The following HMCN1 variants were observed in gnomAD, a reference collection of about 807,000 sequenced individuals.
HMCN1 encodes the protein hemicentin 1.
A neutral mutation model predicts 625.9 loss-of-function variants in HMCN1; 321 were observed. That is an observed-to-expected ratio of 0.51 (90% CI 0.47 to 0.56). HMCN1 has a LOEUF of 0.56. Ranked by LOEUF, HMCN1 falls within the 20% of genes least tolerant of loss-of-function variation. The pLI is 0.00. For synonymous variants in HMCN1, 2,425 were observed against 2,417.6 expected (o/e 1.00, Z -0.09); for missense variants, 6,588 against 6,887.3 (o/e 0.96, Z 1.54).
Position 186,128,288 on chromosome 1 carries a change from C to T in HMCN1, c.12901C>T (p.Pro4301Ser). 1 of 1,611,332 alleles carries T rather than the reference C, an allele frequency of 6.2e-7. No homozygotes were observed. Among genetic ancestry groups the T allele is most frequent in the Non-Finnish European group, 8.5e-7 (1 of 1,178,150 alleles). Residue 4301 changes from proline (P) to serine (S), a missense_variant, in exon 83 of 107, where the codon CCA becomes TCA. Physicochemically the swap from Pro to Ser is moderately conservative, Grantham distance 74. This residue lies in a region of HMCN1 where 1,954 missense variants were observed against 2,013.1 expected (regional missense o/e 0.97). Transcript: ENST00000271588. ...LTWTFNNNII[P>S]AHFDSVNGHS... is the part of the protein sequence containing the mutation. ...ATGGACCTTCAATAACAATATTATTCCAGGTTGGTCATTTAATTCTCAAGA... is the reference window on the plus strand; with the variant it reads ...ATGGACCTTCAATAACAATATTATTTCAGGTTGGTCATTTAATTCTCAAGA...
Position 186,076,486 on chromosome 1 carries a change from T to G in HMCN1, c.8349T>G (p.Asn2783Lys), listed in dbSNP as rs780465741. ...EIGNMLDTGR[N>K]GEAKDVIINN... ...GAAACATGCTAGATACTGGCAGGAA[T>G]GGTGAAGCCAAAGATGTGATCATCA... Residue 2783 changes from asparagine to lysine, a missense_variant, in exon 54 of 107, where the codon AAT (asparagine) becomes AAG (lysine). Coordinates refer to ENST00000271588, the MANE Select transcript of HMCN1 (RefSeq NM_031935.3). 1.9e-6 allele frequency: 3 copies of G among 1,613,722 alleles called. No homozygotes were observed.
chr1:185,933,210 G>A (rs919863230), intron 10 of HMCN1, among the ~76,000 whole-genome samples: 6 of 151,978 alleles, frequency 3.9e-5, no homozygotes, highest in Non-Finnish European at 5.9e-5. Context: ...CTAAAAGTTT[G>A]CAAATGCTGC....
chr1:185,774,001 G>A (rs906458607), intron 1 of HMCN1, among the ~76,000 whole-genome samples: 2 of 152,138 alleles, frequency 1.3e-5, no homozygotes, highest in African/African-American at 4.8e-5. Flanking sequence ...GAAAAGCTAT[G>A]CGTGGAGCTC....
At position 185,745,267 on chromosome 1, in the gene HMCN1, G is replaced by A. The variant is rs980390960; in HGVS notation, c.268+10220G>A. 7.2e-5 allele frequency among the ~76,000 whole-genome samples: 11 copies of A among 152,002 alleles called. No homozygotes were observed. The South Asian group carries it at 8.3e-4, about 11-fold the overall frequency. On this transcript the variant is annotated intron_variant, in intron 1 of 106. Coordinates refer to ENST00000271588, the MANE Select transcript of HMCN1 (RefSeq NM_031935.3). The stretch of plus-strand genomic sequence containing the variant: ...AAGAGAGTCACAGAAACAGACTTAA[G>A]CAGTGTACAGCCAAGTTCTAACTAG...
chr1:186,152,989 G>C, intron 96 of HMCN1, 118 bp downstream of exon 96: 2 of 1,319,552 alleles, frequency 1.5e-6, no homozygotes, highest in Non-Finnish European at 1.1e-6. Context: ...AAACTACCAA[G>C]GCTATAAATA....
chr1:186,033,094 A>C (rs1431365284), intron 36 of HMCN1, among the ~76,000 whole-genome samples: 1 of 149,966 alleles, frequency 6.7e-6, no homozygotes, highest in Non-Finnish European at 1.5e-5. Context: ...ACACACACAC[A>C]CCATGGAATA....
intron 14 of HMCN1, among the ~76,000 whole-genome samples, chr1:185,967,387 C>T (rs1650485219): frequency 6.6e-6 from 1 of 152,052 alleles, no homozygotes; most frequent in Non-Finnish European, 1.5e-5. Context: ...AGAATTTACT[C>T]TCTGTTTCTT....
intron 46 of HMCN1, among the ~76,000 whole-genome samples, chr1:186,060,999 A>G (rs1200287051): frequency 6.6e-6 from 1 of 152,046 alleles, no homozygotes; most frequent in Non-Finnish European, 1.5e-5. Flanking sequence ...CATAGCATTC[A>G]TGGGCCCATA....
At chr1:185,780,743 G>T (rs775005564) in intron 1 of HMCN1, among the ~76,000 whole-genome samples, 9 of 152,126 alleles carry the variant, frequency 5.9e-5, no homozygotes, top group Non-Finnish European at 1.3e-4. Flanking sequence ...TGCTGGATTC[G>T]GTTTGCCAGT....
intron 1 of HMCN1, among the ~76,000 whole-genome samples, chr1:185,807,247 A>G (rs1557984462): frequency 6.6e-6 from 1 of 152,140 alleles, no homozygotes; most frequent in Non-Finnish European, 1.5e-5. Context: ...AAAGAGTTAC[A>G]TTTTGGCACT....
intron 1 of HMCN1, among the ~76,000 whole-genome samples, chr1:185,757,091 C>A (rs531911407): frequency 6.6e-6 from 1 of 152,320 alleles, no homozygotes; most frequent in Admixed American, 6.5e-5. Flanking sequence ...TCTCCTGCCT[C>A]AGCCTCCCAA....
At position 186,086,418 on chromosome 1, in the gene HMCN1, T is replaced by C; in HGVS notation, c.9046+11T>C. 6.2e-7 allele frequency: 1 copy of C among 1,612,454 alleles called. No homozygotes were observed. Among genetic ancestry groups the C allele is most frequent in the Non-Finnish European group, 8.5e-7 (1 of 1,178,992 alleles). On this transcript the variant is annotated intron_variant, in intron 58 of 106. Coordinates refer to ENST00000271588, the MANE Select transcript of HMCN1 (RefSeq NM_031935.3). The stretch of plus-strand genomic sequence containing the variant: ...CTCTCATTGTGCCTGGTAAGGAACT[T>C]CTTATTATAAAGCAGGCAAAATTTT...
intron 105 of HMCN1, among the ~76,000 whole-genome samples, chr1:186,184,701 T>C (rs1363887886): frequency 6.6e-6 from 1 of 152,222 alleles, no homozygotes; most frequent in Non-Finnish European, 1.5e-5. Flanking sequence ...GTTTCAAGTA[T>C]GTTTATCCTA....
At position 186,007,263 on chromosome 1, in the gene HMCN1, T is replaced by A. The variant is rs1220236169; in HGVS notation, c.4611T>A (p.Asp1537Glu). Residue 1537 changes from aspartate to glutamate, a missense_variant, in exon 30 of 107, where the codon GAT (aspartate) becomes GAA (glutamate). By Grantham distance (45) the Asp-to-Glu change is conservative. This residue lies in a region of HMCN1 where 4,628 missense variants were observed against 4,853.1 expected (regional missense o/e 0.95). Coordinates refer to ENST00000271588, the MANE Select transcript of HMCN1 (RefSeq NM_031935.3). ...ATGCAGCTGGCAAACAAGCCAAGGATATAAAACTGACTATCTATAGTAAGT... is the reference window on the plus strand; with the variant it reads ...ATGCAGCTGGCAAACAAGCCAAGGAAATAAAACTGACTATCTATAGTAAGT... The part of the protein sequence containing the change: ...VSNAAGKQAK[D>E]IKLTIYIPPS... The A allele has an allele frequency of 1.2e-6, 2 of 1,613,724 alleles. No individual in the cohort carries two copies. Among genetic ancestry groups the A allele is most frequent in the Admixed American group, 3.3e-5 (2 of 59,996 alleles).
intron 36 of HMCN1, among the ~76,000 whole-genome samples, chr1:186,026,401 G>T (rs1571737139): frequency 6.6e-6 from 1 of 152,126 alleles, no homozygotes; most frequent in Non-Finnish European, 1.5e-5. Flanking sequence ...TCATAAAAAA[G>T]TTAATCAAAC....
At chr1:186,165,703 T>C (rs1280923672) in intron 98 of HMCN1, among the ~76,000 whole-genome samples, 2 of 152,370 alleles carry the variant, frequency 1.3e-5, no homozygotes, top group Non-Finnish European at 2.9e-5. Flanking sequence ...TTTTCTTTCA[T>C]TGGTAGGCAA....
chr1:185,951,719 A>T lies in HMCN1; in HGVS notation c.1829-10799A>T, dbSNP rs531810579. 3.8e-3 allele frequency among the ~76,000 whole-genome samples: 569 copies of T among 151,354 alleles called. 13 individuals are homozygous for T. The highest frequency in any genetic ancestry group is 0.013 in the African/African-American group (538 of 41,026). On this transcript the variant is annotated intron_variant, in intron 11 of 106. Transcript: ENST00000271588. Reference sequence around the variant, plus strand: ...GTGGCTTAGGAGGAATCCCGGGCTGAGGGCATTTCTTGGCCCAGTGGCCAG... The same window carrying T: ...GTGGCTTAGGAGGAATCCCGGGCTGTGGGCATTTCTTGGCCCAGTGGCCAG...
rs1191585785 is a variant in HMCN1, at chr1:186,145,876, C to T, written c.14561C>T (p.Pro4854Leu). 2.5e-6 allele frequency: 4 copies of T among 1,613,880 alleles called. No individual in the cohort carries two copies. In the South Asian group the frequency reaches 4.4e-5, roughly 18 times the overall value. Residue 4854 changes from proline (P) to leucine (L), a missense_variant, in exon 93 of 107, where the codon CCC (proline) becomes CTC (leucine). Pro to Leu is a moderately conservative substitution (Grantham distance 98, BLOSUM62 -3). Transcript: ENST00000271588. The part of the protein sequence containing the change: ...PVPVKGGRPC[P>L]GDTTQVTRCN... ...CCAGTTAAAGGTGGCCGTCCCTGTC[C>T]CGGAGACACTACTCAGGTGACCAGG...
intron 4 of HMCN1, among the ~76,000 whole-genome samples, chr1:185,872,845 C>T (rs1391938855): frequency 2.6e-5 from 4 of 152,054 alleles, no homozygotes; most frequent in Admixed American, 2.0e-4. Flanking sequence ...GAACTCATTG[C>T]CTGTGAAATG....
Sources: gnomAD v4.1 joint callset for allele counts (sites outside exome capture counted in the v4.1 genomes callset) on GRCh38, gnomAD v4.1.1 for gene constraint, gnomAD v4.1.1 regional missense constraint, MANE v1.5 for transcripts, NCBI Gene and HGNC (gene_info 2026-07-23, HGNC 2026-07-21) for gene names.